Variants in GABRB3 observed in about 807,000 individuals in gnomAD.
The protein encoded by GABRB3 is gamma-aminobutyric acid type A receptor subunit beta3, also known as gamma-aminobutyric acid receptor subunit beta-3.
Under a neutral mutation model 52.1 loss-of-function variants are expected in GABRB3, and 14 were observed. That is an observed-to-expected ratio of 0.27 (90% CI 0.18 to 0.42). The LOEUF is 0.42. GABRB3 is among the 10% of genes least tolerant of loss of function. GABRB3 has a pLI of 1.00. For missense variants in GABRB3, 307 were observed against 609.1 expected (o/e 0.50, Z 5.22); for synonymous variants, 260 against 232.3 (o/e 1.12, Z -1.08).
chr15:26,772,543 T>C (rs1891178935), intron 2 of GABRB3, 74 bp from the exon 3 acceptor site: 3 of 1,514,858 alleles, frequency 2.0e-6, no homozygotes, highest in East Asian at 2.5e-5. Flanking sequence ...GACTGGGGGC[T>C]ATCCCAGGAG....
At chr15:26,718,042 T>G (rs1205638051) in intron 3 of GABRB3, among the ~76,000 whole-genome samples, 5 of 152,182 alleles carry the variant, frequency 3.3e-5, no homozygotes, top group Admixed American at 3.3e-4. Flanking sequence ...CCAAAAAAAA[T>G]GTCATACATA....
chr15:26,674,701 CTT>C (rs1888014145), intron 3 of GABRB3, among the ~76,000 whole-genome samples: 1 of 152,134 alleles, frequency 6.6e-6, no homozygotes, highest in African/African-American at 2.4e-5. Flanking sequence ...TGGGGAATGA[CTT>C]TGAGCAGAAA....
chr15:26,765,129 CAA>C (rs3917083), intron 3 of GABRB3, among the ~76,000 whole-genome samples: 3 of 111,034 alleles, frequency 2.7e-5, no homozygotes, highest in African/African-American at 1.1e-4. Flanking sequence ...GACTCCGACT[CAA>C]AAAAAAAAAA....
intron 3 of GABRB3, among the ~76,000 whole-genome samples, chr15:26,732,233 G>A (rs1351406852): frequency 1.3e-5 from 2 of 151,492 alleles, no homozygotes; most frequent in East Asian, 2.0e-4. Context: ...TGGATGGGTG[G>A]ACAGATGGAT....
intron 8 of GABRB3, among the ~76,000 whole-genome samples, chr15:26,556,139 G>A (rs1350488519): frequency 1.3e-5 from 2 of 152,138 alleles, no homozygotes; most frequent in East Asian, 1.9e-4. Context: ...ATTTTGAAGG[G>A]TTCATCTCAT....
intron 3 of GABRB3, among the ~76,000 whole-genome samples, chr15:26,706,559 G>A (rs943982367): frequency 2.0e-5 from 3 of 151,696 alleles, no homozygotes; most frequent in Admixed American, 2.0e-4. Flanking sequence ...CTGCAGTTAA[G>A]GAGAAAAAAG....
At chr15:26,706,492 T>C (rs950629119) in intron 3 of GABRB3, among the ~76,000 whole-genome samples, 5 of 152,100 alleles carry the variant, frequency 3.3e-5, no homozygotes, top group Non-Finnish European at 7.4e-5. Flanking sequence ...TGTTAATATA[T>C]TCATTGCTTC....
Position 26,548,603 on chromosome 15 carries a change from T to C in GABRB3, c.1081-469A>G, listed in dbSNP as rs141671998. Reference sequence around the variant, plus strand: ...GAGAAACACATGAATAGTCCTGTGATCGAAGATCATTCCTGATGACTTCCG... The same window carrying C: ...GAGAAACACATGAATAGTCCTGTGACCGAAGATCATTCCTGATGACTTCCG... On this transcript the variant is annotated intron_variant, in intron 8 of 8. Transcript: ENST00000311550. Among the ~76,000 whole-genome samples the C allele has an allele frequency of 1.3e-4, 20 of 152,338 alleles. 1 individual carries two copies. In the East Asian group the frequency reaches 3.9e-3, roughly 29 times the overall value.
At chr15:26,645,009 A>T (rs981605998) in intron 3 of GABRB3, among the ~76,000 whole-genome samples, 4 of 152,198 alleles carry the variant, frequency 2.6e-5, no homozygotes, top group Non-Finnish European at 5.9e-5. Flanking sequence ...TTTTTGTAAG[A>T]GGCTAAGAAG....
chr15:26,614,078 C>A (rs1477556109), intron 4 of GABRB3: 1 of 152,160 alleles, frequency 6.6e-6, no homozygotes, highest in Admixed American at 6.6e-5. Context: ...CTGCAGGAGC[C>A]AAGTCCTCCA....
chr15:26,716,512 G>A, intron 3 of GABRB3: 1 of 807,480 alleles, frequency 1.2e-6, no homozygotes, highest in Non-Finnish European at 1.5e-6. Flanking sequence ...CAGGGGGTTT[G>A]AGCAATGTGT....
chr15:26,762,795 G>C (rs1181133734), intron 3 of GABRB3, among the ~76,000 whole-genome samples: 1 of 151,998 alleles, frequency 6.6e-6, no homozygotes, highest in African/African-American at 2.4e-5. Flanking sequence ...ATGATTACAG[G>C]ACACACATTA....
intron 3 of GABRB3, among the ~76,000 whole-genome samples, chr15:26,727,742 C>G (rs1454267039): frequency 6.6e-6 from 1 of 152,234 alleles, no homozygotes; most frequent in African/African-American, 2.4e-5. Context: ...ATTTCTCTAT[C>G]TCTCTCTGCA....
intron 3 of GABRB3, among the ~76,000 whole-genome samples, chr15:26,668,545 C>T (rs2315905): frequency 0.26 from 40,157 of 151,768 alleles, 6,295 homozygotes; most frequent in Admixed American, 0.39. Flanking sequence ...GTGTTTTTTT[C>T]TGTCAATTGG....
At chr15:26,684,943 T>C (rs2140654474) in intron 3 of GABRB3, among the ~76,000 whole-genome samples, 1 of 152,298 alleles carries the variant, frequency 6.6e-6, no homozygotes, top group African/African-American at 2.4e-5. Flanking sequence ...GCACATGCTA[T>C]TCAAAATCTG....
At chr15:26,703,864 C>A (rs542337268) in intron 3 of GABRB3, among the ~76,000 whole-genome samples, 1 of 152,314 alleles carries the variant, frequency 6.6e-6, no homozygotes, top group African/African-American at 2.4e-5. Context: ...AAGCCCTGGG[C>A]AGCCCCACTT....
At chr15:26,575,978 A>G (rs1426217) in intron 6 of GABRB3, among the ~76,000 whole-genome samples, 68,617 of 152,008 alleles carry the variant, frequency 0.45, 15,921 homozygotes, top group African/African-American at 0.53. Flanking sequence ...AGACAACTCT[A>G]AAGTGACAAG....
intron 3 of GABRB3, among the ~76,000 whole-genome samples, chr15:26,639,034 A>G (rs576276021): frequency 3.9e-5 from 6 of 152,264 alleles, no homozygotes; most frequent in African/African-American, 1.4e-4. Flanking sequence ...AAAGCCATCA[A>G]TGTCATGTCA....
chr15:26,738,614 G>A (rs182096641), intron 3 of GABRB3, among the ~76,000 whole-genome samples: 2 of 152,060 alleles, frequency 1.3e-5, no homozygotes, highest in African/African-American at 2.4e-5. Flanking sequence ...CTCTCACGGC[G>A]CCCTTGCCTG....
Sources: allele counts gnomAD v4.1 joint callset (sites outside exome capture counted in the v4.1 genomes callset), GRCh38; gene constraint gnomAD v4.1.1; transcripts MANE v1.5; gene names NCBI Gene and HGNC (gene_info 2026-07-23, HGNC 2026-07-21).